KRT74: variants seen among roughly 807,000 people sequenced by gnomAD.
The protein encoded by KRT74 is keratin, type II cytoskeletal 74.
In KRT74, 43 loss-of-function variants were observed where a neutral mutation model predicts 42.7. The ratio of observed to expected loss-of-function variants is 1.01; its 90% CI spans 0.79 to 1.30. The LOEUF (loss-of-function observed/expected upper bound fraction) is 1.30, where lower values mean the gene tolerates loss of function less well. Among genes scored for constraint, KRT74 ranks in the 50% most tolerant of loss-of-function variants. The pLI is 0.00. For synonymous variants in KRT74, 302 were observed against 279.0 expected (o/e 1.08, Z -0.82); for missense variants, 736 against 689.1 (o/e 1.07, Z -0.76).
At chr12:52,570,070 T>A (rs1939451210) in intron 5 of KRT74, 86 bp from the exon 6 acceptor site, 1 of 1,489,548 alleles carries the variant, frequency 6.7e-7, no homozygotes, top group African/African-American at 1.4e-5. Context: ...CCACCCTGGC[T>A]GTCGGTGGGA....
Position 52,572,016 on chromosome 12 carries a change from G to A in KRT74, c.687-12C>T. 6.3e-7 allele frequency: 1 copy of A among 1,578,146 alleles called. No homozygotes were observed. Among genetic ancestry groups the A allele is most frequent in the Non-Finnish European group, 8.7e-7 (1 of 1,147,604 alleles). On this transcript the variant is annotated splice_polypyrimidine_tract_variant and intron_variant, in intron 2 of 8. Coordinates refer to ENST00000305620, the MANE Select transcript of KRT74 (RefSeq NM_175053.4). ...TCTCCACTTCATATCTGCCAGCAGG[G>A]AGAGTAGATGGCCTTAGCCCCCTTA...
chr12:52,570,688 T>A lies in KRT74; in HGVS notation c.989A>T (p.Glu330Val). 6.2e-7 allele frequency: 1 copy of A among 1,614,048 alleles called. No homozygotes were observed. Among genetic ancestry groups the A allele is most frequent in the Non-Finnish European group, 8.5e-7 (1 of 1,179,932 alleles). Residue 330 changes from glutamate (E) to valine (V), a missense_variant, in exon 5 of 9, where the codon GAG becomes GTG. Physicochemically the swap from Glu to Val is moderately radical, Grantham distance 121 (BLOSUM62 -2). Coordinates refer to ENST00000305620, the MANE Select transcript of KRT74 (RefSeq NM_175053.4). ...GACCACCTTGGTCTGGTACAGGGCC[T>A]CGGCCTCGGCCTTGCTCTTCAGGGC... ...EIALKSKAEA[E>V]ALYQTKIQEL...
Position 52,572,353 on chromosome 12 carries a change from T to A in KRT74, c.686+100A>T, listed in dbSNP as rs685720. ...AAGGGATGTGAGCTCCTGACCCTGG[T>A]GCATACTCCCCCATCTCCTAAAAAA... On this transcript the variant is annotated intron_variant, in intron 2 of 8. Transcript: ENST00000305620. 948,133 of 1,257,718 alleles carry A rather than the reference T, an allele frequency of 0.75. 360,546 individuals carry two copies. Among genetic ancestry groups the A allele is most frequent in the African/African-American group, 0.95 (64,999 of 68,066 alleles). 77.9% of individuals were successfully genotyped at this position (1,257,718 alleles called of 1,614,324 possible).
At chr12:52,571,296 G>A in intron 4 of KRT74, 63 bp downstream of exon 4, 3 of 1,009,686 alleles carry the variant, frequency 3.0e-6, no homozygotes. Flanking sequence ...TCTCCTTTTG[G>A]TATCTCCCTG....
intron 2 of KRT74, 68 bp from the exon 3 acceptor site, chr12:52,572,072 G>T: frequency 1.7e-6 from 2 of 1,205,948 alleles, no homozygotes; most frequent in Non-Finnish European, 2.5e-6. Flanking sequence ...TGCTGGCCAG[G>T]CAAATGTTTG....
chr12:52,566,967 G>T lies in KRT74; in HGVS notation c.*2C>A. 6.2e-7 allele frequency: 1 copy of T among 1,609,262 alleles called. No individual in the cohort carries two copies. Among genetic ancestry groups the T allele is most frequent in the Non-Finnish European group, 8.5e-7 (1 of 1,177,274 alleles). On this transcript the variant is annotated 3_prime_UTR_variant, in exon 9 of 9. Coordinates refer to ENST00000305620, the MANE Select transcript of KRT74 (RefSeq NM_175053.4). ...AGTGCTGAGGTGGGTGAGGCCATGG[G>T]TCTAGCGGGTGGCTTTCCTTGCTGG...
At position 52,567,034 on chromosome 12, in the gene KRT74, C is replaced by A; in HGVS notation, c.1525G>T (p.Asp509Tyr). ...CTCTTGCCCTGGGTGTCCTTGAGGT[C>A]TCCCCCTCGCGCCTCTGTGGTCTTG... Reference protein sequence around the residue: ...QTKTTEARGGDLKDTQGKSTP... With the variant: ...QTKTTEARGGYLKDTQGKSTP... Residue 509 changes from aspartate (D) to tyrosine (Y), a missense_variant, in exon 9 of 9, where the codon GAC becomes TAC. By Grantham distance (160) the Asp-to-Tyr change is radical. Coordinates refer to ENST00000305620, the MANE Select transcript of KRT74 (RefSeq NM_175053.4). 6.2e-7 allele frequency: 1 copy of A among 1,601,288 alleles called. No homozygotes were observed. The highest frequency in any genetic ancestry group is 1.1e-5 in the South Asian group (1 of 89,376).
At chr12:52,571,835 C>T in intron 3 of KRT74, 109 bp downstream of exon 3, 1 of 833,510 alleles carries the variant, frequency 1.2e-6, no homozygotes, top group African/African-American at 1.7e-5. Context: ...GCACCAGCCC[C>T]CTCACCAGGC....
intron 4 of KRT74, among the ~76,000 whole-genome samples, 190 bp downstream of exon 4, chr12:52,571,169 C>G (rs1396889295): frequency 6.6e-6 from 1 of 152,248 alleles, no homozygotes; most frequent in African/African-American, 2.4e-5. Context: ...GTATCAAGAT[C>G]AATTTCCTCC....
In KRT74 at chr12:52,566,578, G is replaced by A. The variant is rs543350367; in HGVS notation, c.*391C>T. The A allele has an allele frequency of 1.5e-4, 28 of 187,734 alleles. No homozygotes were observed. The highest frequency in any genetic ancestry group is 2.8e-4 in the Non-Finnish European group (26 of 91,932). 11.6% of individuals were successfully genotyped at this position (187,734 alleles called of 1,614,324 possible). On this transcript the variant is annotated 3_prime_UTR_variant, in exon 9 of 9. Transcript: ENST00000305620. ...TCACCCCACCATGCTGGCAGGGGAT[G>A]TAAAACCTCTCAGACAGTAGCTAAC...
At chr12:52,572,101 G>C in intron 2 of KRT74, 97 bp from the exon 3 acceptor site, 1 of 898,096 alleles carries the variant, frequency 1.1e-6, no homozygotes, top group South Asian at 1.3e-5. Flanking sequence ...GGTCCCTGCA[G>C]GGTCTCTGGG....
rs778611759 is a variant in KRT74, at chr12:52,570,025, C to T, written c.1009-41G>A. On this transcript the variant is annotated intron_variant, in intron 5 of 8. Transcript: ENST00000305620. The stretch of plus-strand genomic sequence containing the variant: ...TAGGAAGTTGGTGATGAGACAAGGG[C>T]ACTGGGGAAGGGTCCTGTAAATAAG... 3 of 1,612,486 alleles carry T rather than the reference C, an allele frequency of 1.9e-6. No homozygotes were observed. The Admixed American group carries it at 5.0e-5, about 27-fold the overall frequency.
At position 52,571,424 on chromosome 12, in the gene KRT74, C is replaced by T. The variant is rs768213236; in HGVS notation, c.778G>A (p.Glu260Lys). Reference protein sequence around the residue: ...DADAAYAVKVELQAKVDSLDK... With the variant: ...DADAAYAVKVKLQAKVDSLDK... ...AGTGAGTCCACTTTGGCCTGAAGCT[C>T]CACCTTGACTGCGTAGGCTGCATCT... Residue 260 changes from glutamate to lysine, a missense_variant, in exon 4 of 9, where the codon GAG (glutamate) becomes AAG (lysine). Coordinates refer to ENST00000305620, the MANE Select transcript of KRT74 (RefSeq NM_175053.4). 4 of 1,613,918 alleles carry T rather than the reference C, an allele frequency of 2.5e-6. No individual in the cohort carries two copies. In the South Asian group the frequency reaches 4.4e-5, roughly 18 times the overall value.
In KRT74 at chr12:52,570,838, A is replaced by C; in HGVS notation, c.844-5T>G. ...AGTCTGGATCTGAGCGATCTCCTGC[A>C]TTGAGAGAGGAAGACAGATTCAGCA... On this transcript the variant is annotated splice_polypyrimidine_tract_variant and splice_region_variant and intron_variant, in intron 4 of 8. Coordinates refer to ENST00000305620, the MANE Select transcript of KRT74 (RefSeq NM_175053.4). 1.2e-6 allele frequency: 2 copies of C among 1,614,230 alleles called. No homozygotes were observed. The highest frequency in any genetic ancestry group is 1.7e-6 in the Non-Finnish European group (2 of 1,180,018).
Position 52,570,111 on chromosome 12 carries a change from A to G in KRT74, c.1009-127T>C, listed in dbSNP as rs539193767. On this transcript the variant is annotated intron_variant, in intron 5 of 8. Coordinates refer to ENST00000305620, the MANE Select transcript of KRT74 (RefSeq NM_175053.4). ...CGGAACTGAAGAGGAGTGCTGGGAC[A>G]GGGTCCTGGGGGCCCAGGTAAGGGG... 8.5e-5 allele frequency: 93 copies of G among 1,099,896 alleles called. No individual in the cohort carries two copies. In the East Asian group the frequency reaches 2.3e-3, roughly 27 times the overall value. 68.1% of individuals were successfully genotyped at this position (1,099,896 alleles called of 1,614,324 possible). A position where few individuals can be genotyped will look rare whatever the true frequency, so the allele number is the denominator to read the frequency against.
intron 4 of KRT74, 71 bp from the exon 5 acceptor site, chr12:52,570,904 C>T (rs540960691): frequency 6.4e-7 from 1 of 1,571,540 alleles, no homozygotes; most frequent in Non-Finnish European, 8.7e-7. Context: ...GTCTTCTGGG[C>T]CCATGGTCCC....
At chr12:52,571,298 A>G (rs1939476199) in intron 4 of KRT74, 61 bp downstream of exon 4, 1 of 1,023,388 alleles carries the variant, frequency 9.8e-7, no homozygotes, top group Non-Finnish European at 1.6e-6. Context: ...TCCTTTTGGT[A>G]TCTCCCTGGA....
At chr12:52,571,534 C>T in intron 3 of KRT74, 80 bp from the exon 4 acceptor site, 1 of 997,096 alleles carries the variant, frequency 1.0e-6, no homozygotes, top group Non-Finnish European at 1.6e-6. Context: ...CTCAAAGCCA[C>T]CTGATTTTCT....
Position 52,568,400 on chromosome 12 carries a change from A to C in KRT74, c.1135-11T>G. ...CTCCAGGCTGGCACGCTGAAGGGCA[A>C]AGAACAGAGAGACCATCAGAACAGA... is the stretch of plus-strand genomic sequence containing the variant. On this transcript the variant is annotated splice_polypyrimidine_tract_variant and intron_variant, in intron 6 of 8. Coordinates refer to ENST00000305620, the MANE Select transcript of KRT74 (RefSeq NM_175053.4). The C allele has an allele frequency of 6.2e-7, 1 of 1,613,782 alleles. No homozygotes were observed. The highest frequency in any genetic ancestry group is 8.5e-7 in the Non-Finnish European group (1 of 1,179,800).
Sources: allele counts gnomAD v4.1 joint callset (sites outside exome capture counted in the v4.1 genomes callset), GRCh38; gene constraint gnomAD v4.1.1; transcripts MANE v1.5; gene names NCBI Gene and HGNC (gene_info 2026-07-23, HGNC 2026-07-21).